The following CLCN6 variants were observed in gnomAD, a reference collection of about 807,000 sequenced individuals.
The protein encoded by CLCN6 is H(+)/Cl(-) exchange transporter 6.
Under a neutral mutation model 109.8 loss-of-function variants are expected in CLCN6, and 70 were observed. The ratio of observed to expected loss-of-function variants is 0.64; its 90% CI spans 0.53 to 0.78. CLCN6 has a LOEUF of 0.78. Among genes scored for constraint, CLCN6 ranks in the 30% least tolerant of loss-of-function variants. The pLI is 0.00. For missense variants in CLCN6, 984 were observed against 1,142.3 expected (o/e 0.86, Z 2.00); for synonymous variants, 444 against 447.8 (o/e 0.99, Z 0.11).
intron 2 of CLCN6, among the ~76,000 whole-genome samples, chr1:11,813,680 C>T (rs912005983): frequency 6.6e-6 from 1 of 152,166 alleles, no homozygotes; most frequent in African/African-American, 2.4e-5. Context: ...CGTGAGCCAT[C>T]ACGCCCAGCC....
At position 11,834,494 on chromosome 1, in the gene CLCN6, G is replaced by C; in HGVS notation, c.1697G>C (p.Trp566Ser). Residue 566 changes from tryptophan to serine, a missense_variant, in exon 17 of 23, where the codon TGG (tryptophan) becomes TCG (serine). Transcript: ENST00000346436. The surrounding 1 kb of genome is among the most constrained non-coding windows in gnomAD (Gnocchi z 4.5). ...TGCTTTGTGTTTCAGGTGGCCAAAT[G>C]GACAGGGGACTTTTTCAATAAGGGC... is the stretch of plus-strand genomic sequence containing the variant. ...PIMVTLMVAK[W>S]TGDFFNKGIY... 1 of 1,614,134 alleles carries C rather than the reference G, an allele frequency of 6.2e-7. No individual in the cohort carries two copies. The highest frequency in any genetic ancestry group is 8.5e-7 in the Non-Finnish European group (1 of 1,180,012).
chr1:11,838,765 G>C (rs768210413), intron 22 of CLCN6, 105 bp downstream of exon 22: 9 of 1,531,042 alleles, frequency 5.9e-6, no homozygotes, highest in Non-Finnish European at 8.1e-6. Context: ...ATCCCACCAG[G>C]AGGGGAGAGT....
rs781347879 is a variant in CLCN6, at chr1:11,836,075, G to A, written c.1902G>A (p.Pro634=). 9.3e-6 allele frequency: 15 copies of A among 1,614,014 alleles called. No homozygotes were observed. The highest frequency in any genetic ancestry group is 1.6e-4 in the Middle Eastern group (1 of 6,062). The change falls in exon 18 of 23, where the codon CCG becomes CCA. Residue 634 remains proline (P), a synonymous_variant. Coordinates refer to ENST00000346436, the MANE Select transcript of CLCN6 (RefSeq NM_001286.5). ...ILRTTVHHAF[P]VVTENRGNEK... ...GCACCACGGTCCACCATGCCTTCCCGGTGGTCACAGAGAACCGCGGTAACG... is the reference window on the plus strand; with the variant it reads ...GCACCACGGTCCACCATGCCTTCCCAGTGGTCACAGAGAACCGCGGTAACG...
chr1:11,806,279 G>A lies in CLCN6; in HGVS notation c.17G>A (p.Gly6Glu), dbSNP rs780153104. The part of the protein sequence containing the change: MAGCR[G>E]SLCCCCRWCC... ...AGGAGGAAGATGGCGGGGTGCAGGG[G>A]GTCTCTGTGCTGCTGCTGCAGGTGG... is the stretch of plus-strand genomic sequence containing the variant. Residue 6 changes from glycine (G) to glutamate (E), a missense_variant, in exon 1 of 23, where the codon GGG (glycine) becomes GAG (glutamate). Coordinates refer to ENST00000346436, the MANE Select transcript of CLCN6 (RefSeq NM_001286.5). 4 of 1,494,262 alleles carry A rather than the reference G, an allele frequency of 2.7e-6. No homozygotes were observed. The highest frequency in any genetic ancestry group is 2.8e-5 in the Admixed American group (1 of 35,522). 92.6% of individuals were successfully genotyped at this position (1,494,262 alleles called of 1,614,324 possible). A position where few individuals can be genotyped will look rare whatever the true frequency, so the allele number is the denominator to read the frequency against.
At position 11,819,536 on chromosome 1, in the gene CLCN6, T is replaced by G. The variant is rs1375922888; in HGVS notation, c.328T>G (p.Phe110Val). 3 of 1,614,174 alleles carry G rather than the reference T, an allele frequency of 1.9e-6. No individual in the cohort carries two copies. Among genetic ancestry groups the G allele is most frequent in the Admixed American group, 1.7e-5 (1 of 60,014 alleles). ...TGTGCGACTCTTCACCCAACTCAAGTTCGGAGTGGTACAGACATGTATCCT... is the reference window on the plus strand; with the variant it reads ...TGTGCGACTCTTCACCCAACTCAAGGTCGGAGTGGTACAGACATGTATCCT... ...FFVRLFTQLK[F>V]GVVQTSVEEC... The change falls in exon 5 of 23, where the codon TTC (phenylalanine) becomes GTC (valine). Residue 110 changes from phenylalanine to valine, a missense_variant. Transcript: ENST00000346436.
Position 11,826,154 on chromosome 1 carries a change from A to C in CLCN6, c.649-2A>C. 6.2e-7 allele frequency: 1 copy of C among 1,610,506 alleles called. No homozygotes were observed. The highest frequency in any genetic ancestry group is 8.5e-7 in the Non-Finnish European group (1 of 1,177,876). ...TAGTGGCTCTCTTTTCTCTTGCTTT[A>C]GTTTCAGAGCATCTCCTTACGGAAG... On this transcript the variant is annotated splice_acceptor_variant, in intron 8 of 22. Transcript: ENST00000346436. LOFTEE classifies it high-confidence loss of function.
At chr1:11,808,312 T>C (rs2100599710) in intron 2 of CLCN6, among the ~76,000 whole-genome samples, 1 of 151,770 alleles carries the variant, frequency 6.6e-6, no homozygotes, top group Admixed American at 6.6e-5. Context: ...CAGGCTGTTC[T>C]CGAACTCCTT....
At position 11,842,760 on chromosome 1, in the gene CLCN6, A is replaced by C. The variant is rs1263924001; in HGVS notation, c.*2537A>C. 6.6e-6 allele frequency: 1 copy of C among 152,272 alleles called. No homozygotes were observed. The highest frequency in any genetic ancestry group is 1.5e-5 in the Non-Finnish European group (1 of 68,048). 9.4% of individuals were successfully genotyped at this position (152,272 alleles called of 1,614,324 possible). A position where few individuals can be genotyped will look rare whatever the true frequency, so the allele number is the denominator to read the frequency against. ...GGATGATTTGCTCCTGACCTTGATTAACTTAACAGTTCCCAGCTGGAAGGG... is the reference window on the plus strand; with the variant it reads ...GGATGATTTGCTCCTGACCTTGATTCACTTAACAGTTCCCAGCTGGAAGGG... On this transcript the variant is annotated 3_prime_UTR_variant, in exon 23 of 23. Coordinates refer to ENST00000346436, the MANE Select transcript of CLCN6 (RefSeq NM_001286.5).
intron 8 of CLCN6, 50 bp downstream of exon 8, chr1:11,824,603 T>C (rs995796351): frequency 2.6e-6 from 4 of 1,524,662 alleles, no homozygotes; most frequent in Non-Finnish European, 3.6e-6. Context: ...TAGTGGGAGG[T>C]CTGGTTACAC....
At chr1:11,836,880 T>G in intron 18 of CLCN6, 119 bp from the exon 19 acceptor site, 1 of 1,176,626 alleles carries the variant, frequency 8.5e-7, no homozygotes, top group South Asian at 1.5e-5. Context: ...CTCAGCCCCA[T>G]TAAGTTCCTG....
At chr1:11,809,989 A>C (rs1305910649) in intron 2 of CLCN6, among the ~76,000 whole-genome samples, 1 of 152,188 alleles carries the variant, frequency 6.6e-6, no homozygotes, top group African/African-American at 2.4e-5. Flanking sequence ...ATTTAGTGGA[A>C]TCTCATTTTT....
intron 2 of CLCN6, among the ~76,000 whole-genome samples, 162 bp from the exon 3 acceptor site, chr1:11,815,684 C>T (rs376990127): frequency 6.6e-6 from 1 of 152,154 alleles, no homozygotes; most frequent in Non-Finnish European, 1.5e-5. Context: ...CATGAGCCAC[C>T]GCACCCAGCC....
In CLCN6 at chr1:11,829,329, C is replaced by G. The variant is rs1328721246; in HGVS notation, c.1248+7C>G. On this transcript the variant is annotated splice_region_variant and intron_variant, in intron 13 of 22. Transcript: ENST00000346436. ...TGACTCATTCCAGCTCCAGGTAACC[C>G]CAGTGCACCTGCTACCTTTATCCCA... 3 of 1,613,954 alleles carry G rather than the reference C, an allele frequency of 1.9e-6. No homozygotes were observed. Among genetic ancestry groups the G allele is most frequent in the Non-Finnish European group, 2.5e-6 (3 of 1,179,898 alleles).
At chr1:11,806,936 GAA>G in intron 1 of CLCN6, 193 bp from the exon 2 acceptor site, 1 of 583,594 alleles carries the variant, frequency 1.7e-6, no homozygotes, top group Non-Finnish European at 3.1e-6. Context: ...CAGTGGAAAT[GAA>G]GAGCTCAGCT....
At chr1:11,813,240 C>G (rs1248040923) in intron 2 of CLCN6, among the ~76,000 whole-genome samples, 2 of 152,186 alleles carry the variant, frequency 1.3e-5, no homozygotes, top group South Asian at 2.1e-4. Flanking sequence ...GGTTCACTTT[C>G]AGCAGACCTT....
Position 11,843,128 on chromosome 1 carries a change from C to G in CLCN6, c.*2905C>G, listed in dbSNP as rs1357538912. ...CATGTGAGAATAAAATGTCTTCTGT[C>G]TCCTCTGTCTCCTTTAGCCTTTTGT... On this transcript the variant is annotated 3_prime_UTR_variant, in exon 23 of 23. Coordinates refer to ENST00000346436, the MANE Select transcript of CLCN6 (RefSeq NM_001286.5). 2 of 152,160 alleles carry G rather than the reference C, an allele frequency of 1.3e-5. No individual in the cohort carries two copies. Among genetic ancestry groups the G allele is most frequent in the Non-Finnish European group, 2.9e-5 (2 of 68,022 alleles). 9.4% of individuals were successfully genotyped at this position (152,160 alleles called of 1,614,324 possible). A position where few individuals can be genotyped will look rare whatever the true frequency, so the allele number is the denominator to read the frequency against.
Position 11,838,458 on chromosome 1 carries a change from C to T in CLCN6, c.2403+16C>T. On this transcript the variant is annotated intron_variant, in intron 21 of 22. Transcript: ENST00000346436. ...CATGATCGTGGTGAGAAGGGCTGCC[C>T]CGGCCTGTCCCATGCGGAGCTGCCT... 4 of 1,613,196 alleles carry T rather than the reference C, an allele frequency of 2.5e-6. No homozygotes were observed. The highest frequency in any genetic ancestry group is 3.4e-6 in the Non-Finnish European group (4 of 1,179,250).
At chr1:11,826,031 C>A in intron 8 of CLCN6, 125 bp from the exon 9 acceptor site, 1 of 674,774 alleles carries the variant, frequency 1.5e-6, no homozygotes, top group East Asian at 2.7e-5. Flanking sequence ...CGTGGATTCC[C>A]ATAGTTTCAG....
chr1:11,824,598 G>A, intron 8 of CLCN6, 45 bp downstream of exon 8: 2 of 1,550,608 alleles, frequency 1.3e-6, no homozygotes, highest in Non-Finnish European at 1.8e-6. Flanking sequence ...AGGCCTAGTG[G>A]GAGGTCTGGT....
Sources: allele counts gnomAD v4.1 joint callset (sites outside exome capture counted in the v4.1 genomes callset), GRCh38; gene constraint gnomAD v4.1.1; non-coding constraint Gnocchi (gnomAD v3.1); transcripts MANE v1.5; gene names NCBI Gene and HGNC (gene_info 2026-07-23, HGNC 2026-07-21).